PRKCB: variants seen among roughly 807,000 people sequenced by gnomAD.
The protein encoded by PRKCB is protein kinase C beta type.
PRKCB carries 13 observed loss-of-function variants against 81.5 expected under a neutral mutation model. The observed-to-expected ratio is 0.16, with a 90% CI of 0.10 to 0.25. The LOEUF (loss-of-function observed/expected upper bound fraction) is 0.25. PRKCB is among the 10% of genes least tolerant of loss of function. The probability of loss-of-function intolerance (pLI) is 1.00; values close to 1 mark genes in which losing one functional copy is unlikely to be tolerated. For missense variants in PRKCB, 509 were observed against 875.7 expected (o/e 0.58, Z 5.29); for synonymous variants, 335 against 321.4 (o/e 1.04, Z -0.45).
At chr16:23,846,029 C>A (rs1465465467) in intron 2 of PRKCB, among the ~76,000 whole-genome samples, 2 of 152,212 alleles carry the variant, frequency 1.3e-5, no homozygotes, top group Non-Finnish European at 2.9e-5. Flanking sequence ...ACCTTCCTCA[C>A]CCTGTGTCCA....
intron 2 of PRKCB, among the ~76,000 whole-genome samples, chr16:23,947,104 C>T (rs140409254): frequency 2.0e-3 from 306 of 152,318 alleles, no homozygotes; most frequent in South Asian, 0.012. Flanking sequence ...GATCCACCTG[C>T]CTTGGCCTCC....
chr16:24,043,265 T>G (rs534055257), intron 5 of PRKCB, among the ~76,000 whole-genome samples: 1 of 152,310 alleles, frequency 6.6e-6, no homozygotes, highest in East Asian at 1.9e-4. Context: ...TGAAACTTAA[T>G]AGTTGTTCAA....
chr16:23,869,780 G>C (rs1962872918), intron 2 of PRKCB, among the ~76,000 whole-genome samples: 1 of 152,138 alleles, frequency 6.6e-6, no homozygotes, highest in African/African-American at 2.4e-5. Context: ...CCAGCACTTT[G>C]GGAGGCTGAG....
intron 2 of PRKCB, among the ~76,000 whole-genome samples, chr16:23,927,273 G>A (rs932514618): frequency 6.6e-6 from 1 of 152,020 alleles, no homozygotes. Flanking sequence ...GCTCCAGGCA[G>A]AGGAAATAGT....
intron 2 of PRKCB, among the ~76,000 whole-genome samples, chr16:23,848,396 C>T (rs913200656): frequency 3.3e-5 from 5 of 152,098 alleles, no homozygotes; most frequent in South Asian, 2.1e-4. Context: ...GGTGCCTTAC[C>T]GGAGCACCTC....
chr16:24,185,631 C>A, intron 15 of PRKCB, 64 bp downstream of exon 15: 3 of 1,324,998 alleles, frequency 2.3e-6, no homozygotes, highest in Non-Finnish European at 3.2e-6. Context: ...CTGTACCTTG[C>A]CCAAGAACAC....
At chr16:24,089,770 G>GTCTC (rs71381637) in intron 5 of PRKCB, among the ~76,000 whole-genome samples, 4 of 149,268 alleles carry the variant, frequency 2.7e-5, no homozygotes, top group African/African-American at 4.9e-5. Flanking sequence ...GTGAGACCTT[G>GTCTC]TCTCTCTCTC....
chr16:24,190,091 G>A (rs961760774), intron 15 of PRKCB, among the ~76,000 whole-genome samples: 5 of 152,122 alleles, frequency 3.3e-5, no homozygotes, highest in Admixed American at 2.0e-4. Context: ...TTAGCACTCA[G>A]AGACCCAAAG....
At chr16:23,990,895 G>A (rs1180053955) in intron 3 of PRKCB, among the ~76,000 whole-genome samples, 1 of 152,180 alleles carries the variant, frequency 6.6e-6, no homozygotes, top group Non-Finnish European at 1.5e-5. Flanking sequence ...AGCTGAGAAG[G>A]CTTTCCACCA....
intron 5 of PRKCB, among the ~76,000 whole-genome samples, chr16:24,045,477 G>C (rs1484222090): frequency 2.0e-5 from 3 of 152,098 alleles, no homozygotes; most frequent in African/African-American, 7.2e-5. Context: ...TGTGCCTCTC[G>C]CCTGGCAGGT....
chr16:24,200,091 ATCTTATTT>A (rs1967935773), intron 16 of PRKCB, among the ~76,000 whole-genome samples: 1 of 152,180 alleles, frequency 6.6e-6, no homozygotes. Flanking sequence ...AAAGATGCAA[ATCTTATTT>A]GTTCCTTAGG....
chr16:24,094,416 C>A, intron 7 of PRKCB, 119 bp downstream of exon 7: 2 of 1,331,684 alleles, frequency 1.5e-6, no homozygotes, highest in Non-Finnish European at 2.1e-6. Flanking sequence ...AAAGTGAAGT[C>A]TGGTTGATTG....
intron 5 of PRKCB, among the ~76,000 whole-genome samples, chr16:24,089,566 TG>T (rs1464879298): frequency 1.3e-5 from 2 of 152,152 alleles, no homozygotes; most frequent in Non-Finnish European, 2.9e-5. Context: ...TCCAGGAGTT[TG>T]AAACCAGTCT....
chr16:23,922,674 G>T (rs1380748917), intron 2 of PRKCB, among the ~76,000 whole-genome samples: 3 of 152,172 alleles, frequency 2.0e-5, no homozygotes, highest in Non-Finnish European at 2.9e-5. Context: ...TTCTCTAAAT[G>T]ACACCTTTGC....
chr16:23,952,900 G>A (rs1230396637), intron 2 of PRKCB, among the ~76,000 whole-genome samples: 1 of 152,178 alleles, frequency 6.6e-6, no homozygotes, highest in African/African-American at 2.4e-5. Flanking sequence ...CATGCCGCCT[G>A]AATTGGCAGG....
chr16:23,871,792 GGT>G (rs1243131425), intron 2 of PRKCB, among the ~76,000 whole-genome samples: 2 of 150,570 alleles, frequency 1.3e-5, no homozygotes, highest in Non-Finnish European at 2.9e-5. Flanking sequence ...TGGTCTGGCT[GGT>G]TTCGAACTCC....
At chr16:24,008,255 T>C (rs1965155430) in intron 3 of PRKCB, among the ~76,000 whole-genome samples, 1 of 152,332 alleles carries the variant, frequency 6.6e-6, no homozygotes, top group Admixed American at 6.5e-5. Flanking sequence ...AACTGCCTGG[T>C]AGACCTCAAC....
At chr16:24,094,765 TAAAA>T (rs1342432269) in intron 7 of PRKCB, among the ~76,000 whole-genome samples, 1 of 113,344 alleles carries the variant, frequency 8.8e-6, no homozygotes, top group African/African-American at 3.5e-5. Context: ...GACAGAGTGA[TAAAA>T]AAGAAAGAGA....
intron 5 of PRKCB, among the ~76,000 whole-genome samples, chr16:24,054,465 A>C (rs1965881042): frequency 6.6e-6 from 1 of 152,254 alleles, no homozygotes; most frequent in Non-Finnish European, 1.5e-5. Context: ...GGCCAGATTC[A>C]TATAGCTGAT....
Sources: gnomAD v4.1 joint callset for allele counts (sites outside exome capture counted in the v4.1 genomes callset) on GRCh38, gnomAD v4.1.1 for gene constraint, MANE v1.5 for transcripts, NCBI Gene and HGNC (gene_info 2026-07-23, HGNC 2026-07-21) for gene names.